SH3KBP1: variants seen among roughly 807,000 people sequenced by gnomAD.
The protein encoded by SH3KBP1 is SH3 domain-containing kinase-binding protein 1.
A neutral mutation model predicts 50.1 loss-of-function variants in SH3KBP1; 8 were observed. That is an observed-to-expected ratio of 0.16 (90% CI 0.09 to 0.29). The LOEUF (loss-of-function observed/expected upper bound fraction) is 0.29. SH3KBP1 is among the 10% of genes least tolerant of loss of function. The pLI is 1.00. For synonymous variants in SH3KBP1, 227 were observed against 218.6 expected (o/e 1.04, Z -0.34); for missense variants, 377 against 535.2 (o/e 0.70, Z 2.92).
intron 3 of SH3KBP1, among the ~76,000 whole-genome samples, chrX:19,737,848 C>T (rs952657925): frequency 3.6e-5 from 4 of 112,428 alleles, no homozygotes; most frequent in Middle Eastern, 9.2e-3. Context: ...CAGCTTGTCA[C>T]TTGAAAAACT....
intron 13 of SH3KBP1, among the ~76,000 whole-genome samples, chrX:19,556,637 G>A (rs1014023931): frequency 1.8e-5 from 2 of 111,790 alleles, no homozygotes; most frequent in African/African-American, 6.5e-5. Flanking sequence ...CAGGACGCAA[G>A]CTGCTGAGAA....
At chrX:19,585,597 TGA>T (rs972232799) in intron 12 of SH3KBP1, among the ~76,000 whole-genome samples, 10 of 110,938 alleles carry the variant, frequency 9.0e-5, no homozygotes, top group African/African-American at 3.3e-4. Flanking sequence ...AGCAGGCGCT[TGA>T]GAGGCAGCCA....
chrX:19,575,318 A>G, intron 12 of SH3KBP1, among the ~76,000 whole-genome samples: 1 of 111,976 alleles, frequency 8.9e-6, no homozygotes, highest in Non-Finnish European at 1.9e-5. Flanking sequence ...ATTTAGTGTG[A>G]CCTGGGGTGA....
In SH3KBP1 at chrX:19,534,815, G is replaced by A; in HGVS notation, c.*1602C>T. ...AATAACAGCCTCAAGTAGCAAGGAT[G>A]AGCACATAGGTTAAGAGGAAGGCAG... On this transcript the variant is annotated 3_prime_UTR_variant, in exon 18 of 18. Coordinates refer to ENST00000397821, the MANE Select transcript of SH3KBP1 (RefSeq NM_031892.3). The A allele has an allele frequency of 3.4e-6, 1 of 297,482 alleles. No homozygotes were observed. The highest frequency in any genetic ancestry group is 5.9e-6 in the Non-Finnish European group (1 of 170,290). 24.5% of individuals were successfully genotyped at this position (297,482 alleles called of 1,213,427 possible).
intron 3 of SH3KBP1, among the ~76,000 whole-genome samples, chrX:19,723,667 T>C (rs1386727984): frequency 8.9e-6 from 1 of 112,540 alleles, no homozygotes; most frequent in Non-Finnish European, 1.9e-5. Context: ...CTTTACACCA[T>C]GACTTGACTC....
intron 8 of SH3KBP1, among the ~76,000 whole-genome samples, chrX:19,628,490 G>A (rs759725949): frequency 6.3e-5 from 7 of 111,418 alleles, no homozygotes; most frequent in African/African-American, 2.3e-4. Flanking sequence ...CAGTGGAGCT[G>A]GGATTCAAAC....
chrX:19,770,705 AT>A (rs764474915), intron 2 of SH3KBP1, among the ~76,000 whole-genome samples: 1,132 of 96,462 alleles, frequency 0.012, 12 homozygotes, highest in East Asian at 0.059. Context: ...CCAGCATGTT[AT>A]TTTTTTTTTT....
At chrX:19,677,702 C>A (rs758268301) in intron 6 of SH3KBP1, among the ~76,000 whole-genome samples, 5 of 112,337 alleles carry the variant, frequency 4.5e-5, no homozygotes, top group Admixed American at 9.4e-5. Flanking sequence ...CTTCTTTATC[C>A]CCCACATACT....
intron 1 of SH3KBP1, among the ~76,000 whole-genome samples, chrX:19,863,936 T>C (rs1802575606): frequency 9.0e-6 from 1 of 111,710 alleles, no homozygotes; most frequent in African/African-American, 3.3e-5. Flanking sequence ...ATTTTCTCTC[T>C]CCCAAGGGGC....
At chrX:19,717,714 C>T (rs887048693) in intron 3 of SH3KBP1, among the ~76,000 whole-genome samples, 3 of 111,843 alleles carry the variant, frequency 2.7e-5, no homozygotes, top group East Asian at 2.8e-4. Context: ...TCTCCATCAA[C>T]TTTGTAGTCT....
chrX:19,633,224 G>A (rs543650502), intron 7 of SH3KBP1, among the ~76,000 whole-genome samples: 2 of 111,640 alleles, frequency 1.8e-5, no homozygotes, highest in African/African-American at 6.5e-5. Context: ...TATTCACTTT[G>A]CTTTTGTGCA....
At chrX:19,837,363 T>C (rs985119850) in intron 1 of SH3KBP1, among the ~76,000 whole-genome samples, 16 of 111,888 alleles carry the variant, frequency 1.4e-4, no homozygotes, top group Admixed American at 4.8e-4. Context: ...CCAATGCAAA[T>C]TAGCAGCATT....
intron 6 of SH3KBP1, among the ~76,000 whole-genome samples, chrX:19,658,751 G>A (rs2062363908): frequency 9.1e-6 from 1 of 110,375 alleles, no homozygotes; most frequent in Non-Finnish European, 1.9e-5. Context: ...TAGAGATGGG[G>A]TTTCACCATA....
chrX:19,798,249 T>C (rs1438623246), intron 2 of SH3KBP1, among the ~76,000 whole-genome samples: 1 of 109,423 alleles, frequency 9.1e-6, no homozygotes, highest in African/African-American at 3.3e-5. Flanking sequence ...CATTCCTGGC[T>C]AATTTTTTTT....
At chrX:19,734,225 A>G (rs976756126) in intron 3 of SH3KBP1, among the ~76,000 whole-genome samples, 29 of 111,995 alleles carry the variant, frequency 2.6e-4, no homozygotes, top group Admixed American at 2.0e-3. Context: ...AATGAACAAT[A>G]GGATGCCACA....
At chrX:19,710,993 A>C (rs1220053964) in intron 3 of SH3KBP1, among the ~76,000 whole-genome samples, 3 of 111,372 alleles carry the variant, frequency 2.7e-5, no homozygotes, top group African/African-American at 9.8e-5. Flanking sequence ...ATGCCACCCC[A>C]TTTAATCCTC....
At chrX:19,740,837 G>A (rs970246089) in intron 3 of SH3KBP1, 14 of 282,198 alleles carry the variant, frequency 5.0e-5, no homozygotes, top group South Asian at 7.3e-5. Context: ...CCGCCTTGGC[G>A]CCATGAGAAG....
intron 5 of SH3KBP1, among the ~76,000 whole-genome samples, chrX:19,689,836 C>T (rs185366570): frequency 2.7e-4 from 30 of 111,741 alleles, no homozygotes; most frequent in African/African-American, 9.7e-4. Flanking sequence ...TTCTTCATTG[C>T]TAATAGACCA....
intron 3 of SH3KBP1, among the ~76,000 whole-genome samples, chrX:19,743,450 A>G (rs2064830633): frequency 9.0e-6 from 1 of 110,594 alleles, no homozygotes; most frequent in African/African-American, 3.3e-5. Context: ...AAAGAAAGAA[A>G]GAAAGAAAGA....
Sources: allele counts gnomAD v4.1 joint callset (sites outside exome capture counted in the v4.1 genomes callset), GRCh38; gene constraint gnomAD v4.1.1; transcripts MANE v1.5; gene names NCBI Gene and HGNC (gene_info 2026-07-23, HGNC 2026-07-21).